The following ARSG variants were observed in gnomAD, a reference collection of about 807,000 sequenced individuals.
The protein encoded by ARSG is ASG.
Under a neutral mutation model 50.5 loss-of-function variants are expected in ARSG, and 37 were observed. The ratio of observed to expected loss-of-function variants is 0.73; its 90% confidence interval spans 0.56 to 0.96. The LOEUF (loss-of-function observed/expected upper bound fraction) is 0.96. ARSG is among the 50% of genes least tolerant of loss of function. The pLI is 0.00. For missense variants in ARSG, 629 were observed against 675.3 expected (o/e 0.93, Z 0.76); for synonymous variants, 225 against 254.6 (o/e 0.88, Z 1.11).
downstream of ARSG, chr17:68,421,774 C>A: frequency 6.2e-7 from 1 of 1,614,216 alleles, no homozygotes; most frequent in Non-Finnish European, 8.5e-7. Flanking sequence ...TGCTTCTCAT[C>A]ATGACTGCTT....
intron 5 of ARSG, among the ~76,000 whole-genome samples, chr17:68,352,769 C>A (rs560024472): frequency 1.3e-5 from 2 of 152,232 alleles, no homozygotes; most frequent in African/African-American, 4.8e-5. Flanking sequence ...TTCGGCCTCC[C>A]AAAGTGCTGG....
intron 6 of ARSG, among the ~76,000 whole-genome samples, chr17:68,364,245 A>G (rs892449784): frequency 6.6e-6 from 1 of 151,682 alleles, no homozygotes; most frequent in Non-Finnish European, 1.5e-5. Context: ...TCACCATTCC[A>G]CTTGTTTTCC....
At chr17:68,332,355 T>C (rs893214857) in intron 2 of ARSG, among the ~76,000 whole-genome samples, 3 of 152,240 alleles carry the variant, frequency 2.0e-5, no homozygotes, top group Admixed American at 2.0e-4. Flanking sequence ...GCTGTTACCC[T>C]GTTTTTTTCA....
chr17:68,313,145 C>T (rs944048581), intron 2 of ARSG, among the ~76,000 whole-genome samples: 12 of 151,988 alleles, frequency 7.9e-5, no homozygotes, highest in Admixed American at 2.0e-4. Flanking sequence ...CCTGTAGTCC[C>T]AGCTACTCAG....
At chr17:68,421,267 A>G (rs530668181), downstream of ARSG, 20 of 157,560 alleles carry the variant, frequency 1.3e-4, no homozygotes, top group South Asian at 1.5e-3. Context: ...AAAAATATAT[A>G]AAAACCTCAA....
intron 1 of ARSG, among the ~76,000 whole-genome samples, chr17:68,296,994 A>G (rs2076231850): frequency 1.3e-5 from 2 of 152,134 alleles, no homozygotes; most frequent in South Asian, 4.1e-4. Context: ...TGTTACATGC[A>G]CTCATCCAGC....
chr17:68,305,485 G>A (rs976419835), intron 1 of ARSG, among the ~76,000 whole-genome samples: 18 of 152,064 alleles, frequency 1.2e-4, no homozygotes, highest in Admixed American at 7.2e-4. Context: ...CTGAATCTGC[G>A]GTTTAATCAA....
At chr17:68,446,011 C>A in the ARSG span, among the ~76,000 whole-genome samples, 1 of 152,262 alleles carries the variant, frequency 6.6e-6, no homozygotes, top group Admixed American at 6.5e-5. Flanking sequence ...TCCTTTTATT[C>A]CAGGGAACAT....
chr17:68,270,755 G>GT (rs1273694898), intron 1 of ARSG: 428 of 1,267,958 alleles, frequency 3.4e-4, no homozygotes, highest in Non-Finnish European at 4.3e-4. Flanking sequence ...ACGGCAGTAA[G>GT]TTTTTTTTAT....
intron 1 of ARSG, among the ~76,000 whole-genome samples, chr17:68,293,954 G>A (rs782529315): frequency 1.3e-5 from 2 of 152,146 alleles, no homozygotes; most frequent in Non-Finnish European, 2.9e-5. Flanking sequence ...GAAAACCCCT[G>A]CTTTTTTAAC....
At chr17:68,313,880 T>C (rs2076966688) in intron 2 of ARSG, among the ~76,000 whole-genome samples, 1 of 152,068 alleles carries the variant, frequency 6.6e-6, no homozygotes, top group Non-Finnish European at 1.5e-5. Context: ...AGTTTTGCCA[T>C]GTTGGCCAGG....
At chr17:68,370,604 G>A in intron 8 of ARSG, 80 bp downstream of exon 8, 1 of 1,316,836 alleles carries the variant, frequency 7.6e-7, no homozygotes. Context: ...CCTCCGGGTG[G>A]GGGACAACTT....
intron 2 of ARSG, among the ~76,000 whole-genome samples, chr17:68,312,606 T>C (rs2145695573): frequency 6.6e-6 from 1 of 152,220 alleles, no homozygotes; most frequent in Non-Finnish European, 1.5e-5. Flanking sequence ...TTCGTTGGGC[T>C]CTCCTTCTCC....
At chr17:68,305,667 C>T (rs1555763755) in intron 1 of ARSG, among the ~76,000 whole-genome samples, 1 of 152,120 alleles carries the variant, frequency 6.6e-6, no homozygotes, top group South Asian at 2.1e-4. Context: ...AAATTACAAA[C>T]ATACAGCAAA....
intron 1 of ARSG, among the ~76,000 whole-genome samples, chr17:68,300,125 G>A (rs1305245813): frequency 6.6e-6 from 1 of 151,984 alleles, no homozygotes; most frequent in Non-Finnish European, 1.5e-5. Context: ...TGTTGTTGTT[G>A]CAGAGAGATG....
In ARSG at chr17:68,420,497, T is replaced by C. The variant is rs2082705284; in HGVS notation, c.*34T>C. 6.3e-7 allele frequency: 1 copy of C among 1,593,802 alleles called. No individual in the cohort carries two copies. The highest frequency in any genetic ancestry group is 1.7e-5 in the Admixed American group (1 of 57,996). The stretch of plus-strand genomic sequence containing the variant: ...TTTTTATTCCACGAGGAGGAGTACC[T>C]GGAAATTAGGCAAGTTTGCTTCCAA... On this transcript the variant is annotated 3_prime_UTR_variant, in exon 12 of 12. Coordinates refer to ENST00000621439, the MANE Select transcript of ARSG (RefSeq NM_001267727.2).
downstream of ARSG, chr17:68,422,049 G>A: frequency 1.7e-6 from 1 of 572,610 alleles, no homozygotes. Context: ...GTCTCTGTGT[G>A]TGTGTGTATG....
the ARSG span, chr17:68,444,603 G>C: frequency 6.2e-7 from 1 of 1,606,148 alleles, no homozygotes; most frequent in Non-Finnish European, 8.5e-7. Context: ...TAATCACACA[G>C]ACTTATCAGT....
At chr17:68,371,824 A>G (rs1382305219) in intron 8 of ARSG, among the ~76,000 whole-genome samples, 1 of 152,224 alleles carries the variant, frequency 6.6e-6, no homozygotes, top group Non-Finnish European at 1.5e-5. Flanking sequence ...ATTCATATTT[A>G]TTGACTTGGA....
Sources: allele counts gnomAD v4.1 joint callset (sites outside exome capture counted in the v4.1 genomes callset), GRCh38; gene constraint gnomAD v4.1.1; transcripts MANE v1.5; gene names NCBI Gene and HGNC (gene_info 2026-07-23, HGNC 2026-07-21).